Variants in TFAP2C observed in about 807,000 individuals in gnomAD.
TFAP2C encodes the protein transcription factor AP-2 gamma, also known as activating enhancer-binding protein 2 gamma.
Under a neutral mutation model 42.9 loss-of-function variants are expected in TFAP2C, and 9 were observed. The observed-to-expected ratio is 0.21, with a 90% CI of 0.13 to 0.37. TFAP2C has a LOEUF of 0.37. Ranked by LOEUF, TFAP2C falls within the 10% of genes least tolerant of loss-of-function variation. TFAP2C has a pLI of 1.00. For missense variants in TFAP2C, 462 were observed against 591.7 expected (o/e 0.78, Z 2.27); for synonymous variants, 264 against 256.0 (o/e 1.03, Z -0.30).
chr20:56,634,759 ATTC>A lies in TFAP2C; in HGVS notation c.922+495_922+497del, dbSNP rs992844962. On this transcript the variant is annotated intron_variant, in intron 5 of 6. Coordinates refer to ENST00000201031, the MANE Select transcript of TFAP2C (RefSeq NM_003222.4). ...TACGACTGGCCCGATTCACAATTCT[ATTC>A]TTCCCTCCCATCCAAAGAAAAAAAC... 2.7e-4 allele frequency among the ~76,000 whole-genome samples: 41 copies of A among 152,232 alleles called. No homozygotes were observed. The East Asian group carries it at 3.5e-3, about 13-fold the overall frequency.
At chr20:56,637,429 C>T (rs1987605111) in intron 6 of TFAP2C, among the ~76,000 whole-genome samples, 1 of 152,120 alleles carries the variant, frequency 6.6e-6, no homozygotes, top group African/African-American at 2.4e-5. Flanking sequence ...GAATCCAGGC[C>T]CCATTACTTT....
chr20:56,634,606 C>G (rs1987550760), intron 5 of TFAP2C, among the ~76,000 whole-genome samples: 1 of 152,158 alleles, frequency 6.6e-6, no homozygotes, highest in Non-Finnish European at 1.5e-5. Context: ...AACAGCTGAT[C>G]ATTTGGTACA....
At chr20:56,634,682 G>A (rs1987552177) in intron 5 of TFAP2C, among the ~76,000 whole-genome samples, 1 of 152,156 alleles carries the variant, frequency 6.6e-6, no homozygotes, top group African/African-American at 2.4e-5. Context: ...GTAGCTGTGG[G>A]TTATTTTGTA....
Position 56,636,666 on chromosome 20 carries a change from A to C in TFAP2C, c.979A>C (p.Ser327Arg), listed in dbSNP as rs764976379. 6.2e-7 allele frequency: 1 copy of C among 1,614,184 alleles called. No homozygotes were observed. Among genetic ancestry groups the C allele is most frequent in the Non-Finnish European group, 8.5e-7 (1 of 1,180,028 alleles). Residue 327 changes from serine (S) to arginine (R), a missense_variant, in exon 6 of 7, where the codon AGT (serine) becomes CGT (arginine). This residue lies in a region of TFAP2C where 130 missense variants were observed against 160.8 expected (regional missense o/e 0.81). Coordinates refer to ENST00000201031, the MANE Select transcript of TFAP2C (RefSeq NM_003222.4). ...FAYVCEAEFP[S>R]KPVAEYLTRP... ...CTATGTCTGTGAAGCCGAATTTCCTAGTAAACCAGTGGCAGAATATTTAAC... is the reference window on the plus strand; with the variant it reads ...CTATGTCTGTGAAGCCGAATTTCCTCGTAAACCAGTGGCAGAATATTTAAC...
chr20:56,631,499 C>T lies in TFAP2C; in HGVS notation c.343C>T (p.Pro115Ser), dbSNP rs1987489779. 1.3e-6 allele frequency: 2 copies of T among 1,507,930 alleles called. No individual in the cohort carries two copies. The highest frequency in any genetic ancestry group is 8.8e-7 in the Non-Finnish European group (1 of 1,134,866). 93.4% of individuals were successfully genotyped at this position (1,507,930 alleles called of 1,614,324 possible). A position where few individuals can be genotyped will look rare whatever the true frequency, so the allele number is the denominator to read the frequency against. The change falls in exon 2 of 7, where the codon CCC becomes TCC. Residue 115 changes from proline to serine, a missense_variant. Around this residue, in one of 5 missense-constraint regions of TFAP2C, gnomAD observed 271 missense variants for 269.7 expected, o/e 1.00. Coordinates refer to ENST00000201031, the MANE Select transcript of TFAP2C (RefSeq NM_003222.4). The surrounding 1 kb of genome is among the most constrained non-coding windows in gnomAD (Gnocchi z 6.1). ...CCAGAGCCAGGAGGGAGCGGGGCTGCCCTCGCACCACGGGCGCCCGGCCGG... is the reference window on the plus strand; with the variant it reads ...CCAGAGCCAGGAGGGAGCGGGGCTGTCCTCGCACCACGGGCGCCCGGCCGG... ...GRQSQEGAGL[P>S]SHHGRPAGLL...
rs1045645865 is a variant in TFAP2C, at chr20:56,630,244, G to A, written c.48+652G>A. The A allele has an allele frequency of 2.7e-5, 8 of 297,922 alleles. No homozygotes were observed. Among genetic ancestry groups the A allele is most frequent in the South Asian group, 2.5e-5 (1 of 40,718 alleles). 18.5% of individuals were successfully genotyped at this position (297,922 alleles called of 1,614,324 possible). A position where few individuals can be genotyped will look rare whatever the true frequency, so the allele number is the denominator to read the frequency against. On this transcript the variant is annotated intron_variant, in intron 1 of 6. Coordinates refer to ENST00000201031, the MANE Select transcript of TFAP2C (RefSeq NM_003222.4). This position sits in a 1 kb window ranked among gnomAD's most constrained non-coding sequence, Gnocchi z 5.1. The stretch of plus-strand genomic sequence containing the variant: ...GCAGGCAGCGCTAGGCGAGCTCAGG[G>A]GCGCCGGGAGCGCGGAGCTCGGGCT...
chr20:56,631,051 AT>A lies in TFAP2C; in HGVS notation c.49-152del. 1 of 984,726 alleles carries A rather than the reference AT, an allele frequency of 1.0e-6. No individual in the cohort carries two copies. Among genetic ancestry groups the A allele is most frequent in the Non-Finnish European group, 1.2e-6 (1 of 829,388 alleles). The allele number at this position is 984,726 out of a possible 1,614,324, so 61.0% of individuals were successfully genotyped here. ...GCTTACAACGAAATCCTCGGGGCGC[AT>A]TGCCCCCGGGTACCTTCCGACCCTG... On this transcript the variant is annotated intron_variant, in intron 1 of 6. Coordinates refer to ENST00000201031, the MANE Select transcript of TFAP2C (RefSeq NM_003222.4). This position sits in a 1 kb window ranked among gnomAD's most constrained non-coding sequence, Gnocchi z 6.1.
intron 6 of TFAP2C, 24 bp downstream of exon 6, chr20:56,636,778 A>T (rs780214603): frequency 1.2e-6 from 2 of 1,606,610 alleles, no homozygotes; most frequent in South Asian, 2.2e-5. Flanking sequence ...CTTGAATTTG[A>T]TGATGACTCA....
At chr20:56,635,915 GTTACA>G (rs1269972014) in intron 5 of TFAP2C, among the ~76,000 whole-genome samples, 2 of 152,142 alleles carry the variant, frequency 1.3e-5, no homozygotes, top group Non-Finnish European at 2.9e-5. Context: ...GTAAATAGTT[GTTACA>G]TTGTATTGCT....
rs1368860029 is a variant in TFAP2C, at chr20:56,638,559, A to G, written c.*546A>G. The G allele has an allele frequency of 1.3e-5, 2 of 153,460 alleles. No individual in the cohort carries two copies. The highest frequency in any genetic ancestry group is 2.9e-5 in the Non-Finnish European group (2 of 68,696). The allele number at this position is 153,460 out of a possible 1,614,324, so 9.5% of individuals were successfully genotyped here. On this transcript the variant is annotated 3_prime_UTR_variant, in exon 7 of 7. Transcript: ENST00000201031. The stretch of plus-strand genomic sequence containing the variant: ...GTTCTATCTGCTTAGCAACTAGTTA[A>G]TAAGTGGTATCTGACACACTCTAAA...
In TFAP2C at chr20:56,630,612, T is replaced by A. The variant is rs1340168663; in HGVS notation, c.49-593T>A. ...AGGGCCGCCCTGTGCGCGCGCTCCC[T>A]CTTCACTTCCCAGGGCGGCGCAGGG... On this transcript the variant is annotated intron_variant, in intron 1 of 6. Coordinates refer to ENST00000201031, the MANE Select transcript of TFAP2C (RefSeq NM_003222.4). The surrounding 1 kb of genome is among the most constrained non-coding windows in gnomAD (Gnocchi z 5.1). The A allele has an allele frequency of 1.1e-6, 1 of 898,214 alleles. No individual in the cohort carries two copies. Among genetic ancestry groups the A allele is most frequent in the Non-Finnish European group, 1.3e-6 (1 of 750,162 alleles). The allele number at this position is 898,214 out of a possible 1,614,324, so 55.6% of individuals were successfully genotyped here. A position where few individuals can be genotyped will look rare whatever the true frequency, so the allele number is the denominator to read the frequency against.
In TFAP2C at chr20:56,630,690, G is replaced by T; in HGVS notation, c.49-515G>T. ...CCGCTCGGAGGTCTTTGTCCCGAGGGCGTGGAAGGGAGGGTCCCGGGGGCG... is the reference window on the plus strand; with the variant it reads ...CCGCTCGGAGGTCTTTGTCCCGAGGTCGTGGAAGGGAGGGTCCCGGGGGCG... On this transcript the variant is annotated intron_variant, in intron 1 of 6. Coordinates refer to ENST00000201031, the MANE Select transcript of TFAP2C (RefSeq NM_003222.4). The surrounding 1 kb of genome is among the most constrained non-coding windows in gnomAD (Gnocchi z 5.1). 1.0e-6 allele frequency: 1 copy of T among 985,324 alleles called. No homozygotes were observed. The highest frequency in any genetic ancestry group is 1.2e-6 in the Non-Finnish European group (1 of 829,858). The allele number at this position is 985,324 out of a possible 1,614,324, so 61.0% of individuals were successfully genotyped here. A position where few individuals can be genotyped will look rare whatever the true frequency, so the allele number is the denominator to read the frequency against.
At position 56,637,820 on chromosome 20, in the gene TFAP2C, A is replaced by G; in HGVS notation, c.1160A>G (p.Gln387Arg). The G allele has an allele frequency of 6.2e-7, 1 of 1,612,516 alleles. No homozygotes were observed. Among genetic ancestry groups the G allele is most frequent in the Non-Finnish European group, 8.5e-7 (1 of 1,178,496 alleles). Reference sequence around the variant, plus strand: ...GCCCCAGTCTTGGAGACGAACATACAGAACTGCTTGTCTCATTTCAGCCTG... The same window carrying G: ...GCCCCAGTCTTGGAGACGAACATACGGAACTGCTTGTCTCATTTCAGCCTG... ...RLAPVLETNIQNCLSHFSLIT... is the reference protein window; with the variant it reads ...RLAPVLETNIRNCLSHFSLIT... Residue 387 changes from glutamine (Q) to arginine (R), a missense_variant, in exon 7 of 7, where the codon CAG becomes CGG. Around this residue, in one of 5 missense-constraint regions of TFAP2C, gnomAD observed 130 missense variants for 160.8 expected, o/e 0.81. Transcript: ENST00000201031.
chr20:56,633,263 A>G (rs1987528530), intron 3 of TFAP2C, 90 bp from the exon 4 acceptor site: 1 of 969,990 alleles, frequency 1.0e-6, no homozygotes, highest in Admixed American at 2.2e-5. Flanking sequence ...TTGTCTAAAG[A>G]TCACTTTCAG....
chr20:56,633,738 G>A (rs1287858087), intron 4 of TFAP2C, among the ~76,000 whole-genome samples, 169 bp downstream of exon 4: 1 of 152,186 alleles, frequency 6.6e-6, no homozygotes, highest in Non-Finnish European at 1.5e-5. Flanking sequence ...AAATGTGGGA[G>A]GAAGTGCTAA....
chr20:56,636,631 G>A lies in TFAP2C; in HGVS notation c.944G>A (p.Arg315Lys), dbSNP rs1987588535. The change falls in exon 6 of 7, where the codon AGG (arginine) becomes AAG (lysine). Residue 315 changes from arginine (R) to lysine (K), a missense_variant. Physicochemically the swap from Arg to Lys is conservative, Grantham distance 26. Around this residue, in one of 5 missense-constraint regions of TFAP2C, gnomAD observed 40 missense variants for 106.8 expected, o/e 0.37. Coordinates refer to ENST00000201031, the MANE Select transcript of TFAP2C (RefSeq NM_003222.4). ...LVEGEAVHLARDFAYVCEAEF... is the reference protein window; with the variant it reads ...LVEGEAVHLAKDFAYVCEAEF... ...CTAGGTGAAGCTGTTCATTTGGCTA[G>A]GGACTTTGCCTATGTCTGTGAAGCC... 1.2e-6 allele frequency: 2 copies of A among 1,613,840 alleles called. No homozygotes were observed. The highest frequency in any genetic ancestry group is 2.7e-5 in the African/African-American group (2 of 74,916).
At chr20:56,633,602 GGGTAGTTGAA>G (rs936782450) in intron 4 of TFAP2C, 33 bp downstream of exon 4, 2 of 1,574,128 alleles carry the variant, frequency 1.3e-6, no homozygotes, top group African/African-American at 2.7e-5. Flanking sequence ...CATAGTGGTT[GGGTAGTTGAA>G]GGTGAGTGTA....
At position 56,629,441 on chromosome 20, in the gene TFAP2C, G is replaced by T; in HGVS notation, c.-104G>T. 2.8e-6 allele frequency: 3 copies of T among 1,084,896 alleles called. No homozygotes were observed. The highest frequency in any genetic ancestry group is 1.2e-6 in the Non-Finnish European group (1 of 814,712). The allele number at this position is 1,084,896 out of a possible 1,614,324, so 67.2% of individuals were successfully genotyped here. ...GCAAGGCCCGCGCGCGGCGGGGGCGGCGGCAGACGCCTGGTCACCGTGACC... is the reference window on the plus strand; with the variant it reads ...GCAAGGCCCGCGCGCGGCGGGGGCGTCGGCAGACGCCTGGTCACCGTGACC... On this transcript the variant is annotated 5_prime_UTR_variant, in exon 1 of 7. Transcript: ENST00000201031. This position sits in a 1 kb window ranked among gnomAD's most constrained non-coding sequence, Gnocchi z 5.9.
At position 56,631,794 on chromosome 20, in the gene TFAP2C, C is replaced by T. The variant is rs746957310; in HGVS notation, c.535-11C>T. Reference sequence around the variant, plus strand: ...CCCGAACTTAAGGGAATTTTGTCCTCTCTCCCCCAGAATGTCGACGACCAG... The same window carrying T: ...CCCGAACTTAAGGGAATTTTGTCCTTTCTCCCCCAGAATGTCGACGACCAG... On this transcript the variant is annotated splice_polypyrimidine_tract_variant and intron_variant, in intron 2 of 6. Coordinates refer to ENST00000201031, the MANE Select transcript of TFAP2C (RefSeq NM_003222.4). This position sits in a 1 kb window ranked among gnomAD's most constrained non-coding sequence, Gnocchi z 6.1. 4 of 1,614,174 alleles carry T rather than the reference C, an allele frequency of 2.5e-6. 1 individual carries two copies. The highest frequency in any genetic ancestry group is 3.3e-4 in the Middle Eastern group (2 of 6,062).
Sources: gnomAD v4.1 joint callset for allele counts (sites outside exome capture counted in the v4.1 genomes callset) on GRCh38, gnomAD v4.1.1 for gene constraint, gnomAD v4.1.1 regional missense constraint, Gnocchi (gnomAD v3.1) non-coding constraint, MANE v1.5 for transcripts, NCBI Gene and HGNC (gene_info 2026-07-23, HGNC 2026-07-21) for gene names.